The following HIPK4 variants were observed in gnomAD, a reference collection of about 807,000 sequenced individuals.
The protein encoded by HIPK4 is homeodomain interacting protein kinase 4.
In HIPK4, 26 loss-of-function variants were observed where a neutral mutation model predicts 44.8. The observed-to-expected ratio is 0.58, with a 90% CI of 0.43 to 0.80. The LOEUF is 0.80. HIPK4 is among the 30% of genes least tolerant of loss of function. The probability of loss-of-function intolerance (pLI) is 0.00; values close to 1 mark genes in which losing one functional copy is unlikely to be tolerated. For synonymous variants in HIPK4, 340 were observed against 355.5 expected (o/e 0.96, Z 0.49); for missense variants, 729 against 862.6 (o/e 0.85, Z 1.94).
chr19:40,389,399 G>C lies in HIPK4; in HGVS notation c.465+39C>G. 1 of 1,251,786 alleles carries C rather than the reference G, an allele frequency of 8.0e-7. No homozygotes were observed. The highest frequency in any genetic ancestry group is 1.1e-6 in the Non-Finnish European group (1 of 918,124). The allele number at this position is 1,251,786 out of a possible 1,614,324, so 77.5% of individuals were successfully genotyped here. On this transcript the variant is annotated intron_variant, in intron 1 of 3. Transcript: ENST00000291823. The surrounding 1 kb of genome is among the most constrained non-coding windows in gnomAD (Gnocchi z 4.6). ...TGGAAGAAGCTGGGAAAAAGACAAG[G>C]AACTAGGGACGCAGCCACCCTAGAC...
chr19:40,385,683 C>CTCT (rs2079359644), intron 1 of HIPK4, among the ~76,000 whole-genome samples: 1 of 67,036 alleles, frequency 1.5e-5, no homozygotes. Flanking sequence ...CTTTTCTTTT[C>CTCT]TTTTTTTTTT....
At chr19:40,384,247 A>T in intron 1 of HIPK4, 108 bp from the exon 2 acceptor site, 2 of 784,520 alleles carry the variant, frequency 2.5e-6, no homozygotes, top group Non-Finnish European at 4.1e-6. Context: ...CTGCTATTTG[A>T]CTCTGGCCAT....
intron 2 of HIPK4, among the ~76,000 whole-genome samples, chr19:40,381,451 G>A (rs2079336325): frequency 1.3e-5 from 2 of 152,188 alleles, no homozygotes; most frequent in African/African-American, 2.4e-5. Context: ...GGGCTGCCCG[G>A]AATCTCTAGT....
At position 40,380,821 on chromosome 19, in the gene HIPK4, G is replaced by T; in HGVS notation, c.1170C>A (p.Thr390=). 1 of 1,611,612 alleles carries T rather than the reference G, an allele frequency of 6.2e-7. No homozygotes were observed. The highest frequency in any genetic ancestry group is 8.5e-7 in the Non-Finnish European group (1 of 1,177,914). The change falls in exon 3 of 4, where the codon ACC becomes ACA. Residue 390 remains threonine (T), a synonymous_variant. Transcript: ENST00000291823. This position sits in a 1 kb window ranked among gnomAD's most constrained non-coding sequence, Gnocchi z 4.2. ...PTPVVAAEDG[T]PYYCLAEEKE... is the part of the protein sequence containing the mutation. ...TCTCCTCAGCCAGACAGTAGTAGGGGGTCCCATCTTCTGCGGCCACGACGG... is the reference window on the plus strand; with the variant it reads ...TCTCCTCAGCCAGACAGTAGTAGGGTGTCCCATCTTCTGCGGCCACGACGG...
At position 40,380,531 on chromosome 19, in the gene HIPK4, T is replaced by C; in HGVS notation, c.1460A>G (p.Lys487Arg). 1 of 1,611,984 alleles carries C rather than the reference T, an allele frequency of 6.2e-7. No individual in the cohort carries two copies. ...FYSSRLAGRH[K>R]ARKPPAGSKS... ...GGAACCCGCAGGTGGCTTGCGGGCCTTGTGGCGGCCTGCCAGGCGGCTGCT... is the reference window on the plus strand; with the variant it reads ...GGAACCCGCAGGTGGCTTGCGGGCCCTGTGGCGGCCTGCCAGGCGGCTGCT... The change falls in exon 3 of 4, where the codon AAG becomes AGG. Residue 487 changes from lysine (K) to arginine (R), a missense_variant. Lys to Arg is a conservative substitution (Grantham distance 26). Transcript: ENST00000291823. The surrounding 1 kb of genome is among the most constrained non-coding windows in gnomAD (Gnocchi z 4.2).
intron 1 of HIPK4, among the ~76,000 whole-genome samples, chr19:40,385,359 C>A (rs1301602994): frequency 6.6e-6 from 1 of 152,198 alleles, no homozygotes; most frequent in Non-Finnish European, 1.5e-5. Context: ...ATCTCCCACT[C>A]TCCCCATCAC....
intron 1 of HIPK4, among the ~76,000 whole-genome samples, chr19:40,386,899 G>C (rs1304120141): frequency 6.6e-6 from 1 of 151,712 alleles, no homozygotes; most frequent in East Asian, 1.9e-4. Context: ...CTGTCACCCA[G>C]GCTGGAATGC....
rs751347435 is a variant in HIPK4, at chr19:40,380,582, C to T, written c.1409G>A (p.Gly470Asp). The stretch of plus-strand genomic sequence containing the variant: ...GTAGAAGGCCAGGATGGGCTCAGGG[C>T]CCGAGTCGGGCACATGGTGGCCAGT... ...AITGHHVPDS[G>D]PEPILAFYSS... is the part of the protein sequence containing the mutation. Residue 470 changes from glycine to aspartate, a missense_variant, in exon 3 of 4, where the codon GGC (glycine) becomes GAC (aspartate). Physicochemically the swap from Gly to Asp is moderately conservative, Grantham distance 94. Transcript: ENST00000291823. This position sits in a 1 kb window ranked among gnomAD's most constrained non-coding sequence, Gnocchi z 4.2. The T allele has an allele frequency of 1.2e-6, 2 of 1,612,840 alleles. No individual in the cohort carries two copies. The highest frequency in any genetic ancestry group is 1.7e-6 in the Non-Finnish European group (2 of 1,179,906).
chr19:40,379,802 C>T, intron 3 of HIPK4, 33 bp from the exon 4 acceptor site: 1 of 1,596,606 alleles, frequency 6.3e-7, no homozygotes, highest in Non-Finnish European at 8.5e-7. Context: ...ATCAGCCAAG[C>T]AGTGTTAGTG....
At chr19:40,388,421 C>A (rs1434762380) in intron 1 of HIPK4, among the ~76,000 whole-genome samples, 1 of 152,136 alleles carries the variant, frequency 6.6e-6, no homozygotes, top group Non-Finnish European at 1.5e-5. Context: ...GCTGAGTGAC[C>A]CTGGGCACTT....
At chr19:40,382,770 G>T (rs1213485424) in intron 2 of HIPK4, among the ~76,000 whole-genome samples, 2 of 151,496 alleles carry the variant, frequency 1.3e-5, no homozygotes, top group Admixed American at 1.3e-4. Context: ...TTTTTTGGCC[G>T]AGCGCGGTGG....
intron 1 of HIPK4, among the ~76,000 whole-genome samples, chr19:40,386,157 C>T (rs1331972161): frequency 6.6e-6 from 1 of 152,128 alleles, no homozygotes; most frequent in Admixed American, 6.5e-5. Flanking sequence ...GCAACCTCCA[C>T]CTACTGGATT....
At chr19:40,379,879 A>G (rs2079322301) in intron 3 of HIPK4, 110 bp from the exon 4 acceptor site, 2 of 1,165,002 alleles carry the variant, frequency 1.7e-6, no homozygotes, top group Non-Finnish European at 2.4e-6. Context: ...GGGTCTTACC[A>G]GTGCTGGGCC....
intron 3 of HIPK4, 150 bp from the exon 4 acceptor site, chr19:40,379,919 C>G (rs1030391931): frequency 2.4e-6 from 2 of 827,440 alleles, no homozygotes; most frequent in Non-Finnish European, 3.6e-6. Flanking sequence ...GATGTGATGA[C>G]AGCTCACTGC....
At position 40,389,123 on chromosome 19, in the gene HIPK4, T is replaced by C. The variant is rs2079375775; in HGVS notation, c.465+315A>G. Among the ~76,000 whole-genome samples, 2 of 144,402 alleles carry C rather than the reference T, an allele frequency of 1.4e-5. No individual in the cohort carries two copies. The highest frequency in any genetic ancestry group is 7.1e-5 in the Admixed American group (1 of 14,084). 94.7% of individuals were successfully genotyped at this position (144,402 alleles called of 152,430 possible). On this transcript the variant is annotated intron_variant, in intron 1 of 3. Transcript: ENST00000291823. The surrounding 1 kb of genome is among the most constrained non-coding windows in gnomAD (Gnocchi z 4.6). ...GCTTGAACCCGGGAGGCGGAGGCAGTGAACCAAGATCATGCCATCATCACC... is the reference window on the plus strand; with the variant it reads ...GCTTGAACCCGGGAGGCGGAGGCAGCGAACCAAGATCATGCCATCATCACC...
At position 40,389,969 on chromosome 19, in the gene HIPK4, C is replaced by G. The variant is rs2079381518; in HGVS notation, c.-67G>C. Reference sequence around the variant, plus strand: ...ACCACTGGCTCTGCCGCCCAGGCCTCCCGCCTGGCTGCTGACACAGCAGGC... The same window carrying G: ...ACCACTGGCTCTGCCGCCCAGGCCTGCCGCCTGGCTGCTGACACAGCAGGC... On this transcript the variant is annotated 5_prime_UTR_variant, in exon 1 of 4. Coordinates refer to ENST00000291823, the MANE Select transcript of HIPK4 (RefSeq NM_144685.5). The surrounding 1 kb of genome is among the most constrained non-coding windows in gnomAD (Gnocchi z 4.6). 3 of 1,267,184 alleles carry G rather than the reference C, an allele frequency of 2.4e-6. No individual in the cohort carries two copies. The highest frequency in any genetic ancestry group is 3.3e-6 in the Non-Finnish European group (3 of 910,160). The allele number at this position is 1,267,184 out of a possible 1,614,324, so 78.5% of individuals were successfully genotyped here.
Position 40,380,477 on chromosome 19 carries a change from A to G in HIPK4, c.1514T>C (p.Ile505Thr). Residue 505 changes from isoleucine to threonine, a missense_variant, in exon 3 of 4, where the codon ATT (isoleucine) becomes ACT (threonine). Coordinates refer to ENST00000291823, the MANE Select transcript of HIPK4 (RefSeq NM_144685.5). The surrounding 1 kb of genome is among the most constrained non-coding windows in gnomAD (Gnocchi z 4.2). Reference protein sequence around the residue: ...SKSDSNFSNLIRLSQVSPEDD... With the variant: ...SKSDSNFSNLTRLSQVSPEDD... ...CTCAGGCGAGACCTGGCTCAGCCGA[A>G]TGAGGTTGCTGAAGTTGGAGTCGGA... 1 of 1,613,506 alleles carries G rather than the reference A, an allele frequency of 6.2e-7. No individual in the cohort carries two copies. Among genetic ancestry groups the G allele is most frequent in the East Asian group, 2.2e-5 (1 of 44,884 alleles).
chr19:40,382,566 C>T lies in HIPK4; in HGVS notation c.822+1217G>A, dbSNP rs145405343. On this transcript the variant is annotated intron_variant, in intron 2 of 3. Coordinates refer to ENST00000291823, the MANE Select transcript of HIPK4 (RefSeq NM_144685.5). ...ATCTCTCTTGCTAGAGCAGCCCCCACATCTGACTTCCAAACATCTAATTCT... is the reference window on the plus strand; with the variant it reads ...ATCTCTCTTGCTAGAGCAGCCCCCATATCTGACTTCCAAACATCTAATTCT... Among the ~76,000 whole-genome samples, 644 of 152,254 alleles carry T rather than the reference C, an allele frequency of 4.2e-3. 6 individuals are homozygous for T. Among genetic ancestry groups the T allele is most frequent in the African/African-American group, 0.014 (598 of 41,562 alleles).
intron 1 of HIPK4, among the ~76,000 whole-genome samples, chr19:40,387,544 C>T (rs1313704646): frequency 2.0e-5 from 3 of 152,088 alleles, no homozygotes; most frequent in Admixed American, 1.3e-4. Context: ...GGCATGATCT[C>T]GGCTCACTGC....
Sources: gnomAD v4.1 joint callset for allele counts (sites outside exome capture counted in the v4.1 genomes callset) on GRCh38, gnomAD v4.1.1 for gene constraint, Gnocchi (gnomAD v3.1) non-coding constraint, MANE v1.5 for transcripts, NCBI Gene and HGNC (gene_info 2026-07-23, HGNC 2026-07-21) for gene names.